Variants in SCN1A observed in about 807,000 individuals in gnomAD.
SCN1A encodes sodium voltage-gated channel alpha subunit 1, also known as sodium channel protein type 1 subunit alpha.
In SCN1A, 13 loss-of-function variants were observed where a neutral mutation model predicts 193.7. The ratio of observed to expected loss-of-function variants is 0.07; its 90% confidence interval spans 0.04 to 0.11. The LOEUF is 0.11. Ranked by LOEUF, SCN1A falls within the 10% of genes least tolerant of loss-of-function variation. The pLI, the probability that SCN1A is intolerant of heterozygous loss-of-function variation, is 1.00. For missense variants in SCN1A, 1,432 were observed against 2,451.1 expected, an observed-to-expected ratio of 0.58 and a Z score of 8.78; for synonymous variants, 781 against 843.6, an observed-to-expected ratio of 0.93 and a Z score of 1.29.
At chr2:166,025,899 G>C (rs1455138577) in intron 19 of SCN1A, among the ~76,000 whole-genome samples, 1 of 151,854 alleles carries the variant, frequency 6.6e-6, no homozygotes, top group East Asian at 1.9e-4. Flanking sequence ...GACATAAAAT[G>C]CTTTTATTTT....
intron 6 of SCN1A, 103 bp downstream of exon 6, chr2:166,056,308 G>T: frequency 1.3e-6 from 1 of 787,048 alleles, no homozygotes; most frequent in South Asian, 1.5e-5. Context: ...GTCTAGGAAT[G>T]ACTTTAATAA....
At chr2:166,147,213 T>C (rs890252988) in intron 1 of SCN1A, among the ~76,000 whole-genome samples, 3 of 152,182 alleles carry the variant, frequency 2.0e-5, no homozygotes, top group African/African-American at 4.8e-5. Flanking sequence ...TAGAATTTAG[T>C]AGGTACTTAG....
intron 23 of SCN1A, 189 bp downstream of exon 23, chr2:166,009,530 A>G (rs901934693): frequency 2.4e-6 from 1 of 420,530 alleles, no homozygotes; most frequent in Non-Finnish European, 4.3e-6. Context: ...ATGATATTAT[A>G]TCATTTCAAG....
At chr2:166,026,679 CTTTTT>C (rs35750460) in intron 19 of SCN1A, among the ~76,000 whole-genome samples, 3 of 97,712 alleles carry the variant, frequency 3.1e-5, no homozygotes, top group Non-Finnish European at 5.7e-5. Context: ...TTCTTTCTTT[CTTTTT>C]TTTTTTTTTT....
At chr2:166,043,333 A>G (rs1024939459) in intron 14 of SCN1A, among the ~76,000 whole-genome samples, 2 of 152,252 alleles carry the variant, frequency 1.3e-5, no homozygotes, top group African/African-American at 2.4e-5. Context: ...ACACTTAAAC[A>G]TAGAATCATT....
chr2:166,007,466 C>A (rs1305976866), intron 23 of SCN1A, among the ~76,000 whole-genome samples: 1 of 151,154 alleles, frequency 6.6e-6, no homozygotes, highest in African/African-American at 2.4e-5. Flanking sequence ...ATTAAAAATA[C>A]AAATTTAAAC....
chr2:166,113,409 G>C lies in SCN1A; in HGVS notation c.-142+13515C>G, dbSNP rs114423372. ...TGACTAGTAAATGAAAAAAGAATGA[G>C]AAAATTATTTCTTGCTCTGACCAAC... On this transcript the variant is annotated intron_variant, in intron 2 of 28. Transcript: ENST00000674923. 8.7e-3 allele frequency among the ~76,000 whole-genome samples: 1,330 copies of C among 152,084 alleles called. 7 individuals are homozygous for C. The highest frequency in any genetic ancestry group is 0.015 in the Non-Finnish European group (986 of 67,970).
At chr2:166,082,782 A>G (rs755380711) in intron 2 of SCN1A, among the ~76,000 whole-genome samples, 3 of 152,100 alleles carry the variant, frequency 2.0e-5, no homozygotes, top group Non-Finnish European at 4.4e-5. Context: ...ACATTTATAT[A>G]TCTTCACCAC....
chr2:166,006,727 A>G (rs1057391124), intron 23 of SCN1A, among the ~76,000 whole-genome samples: 3 of 151,376 alleles, frequency 2.0e-5, no homozygotes, highest in African/African-American at 7.3e-5. Flanking sequence ...CACAATCAAT[A>G]CCAGTCTTAT....
At chr2:165,985,537 G>C (rs1688560185), downstream of SCN1A, 1 of 152,136 alleles carries the variant, frequency 6.6e-6, no homozygotes, top group South Asian at 2.1e-4. Flanking sequence ...GCTTGTTGCT[G>C]AGGTGAGGGG....
chr2:166,034,507 A>C (rs931876882), intron 19 of SCN1A, among the ~76,000 whole-genome samples: 10 of 152,228 alleles, frequency 6.6e-5, no homozygotes, highest in Non-Finnish European at 1.2e-4. Context: ...TATTTAGACT[A>C]TACAGCCTAA....
upstream of SCN1A, among the ~76,000 whole-genome samples, chr2:166,130,466 A>G (rs1574635203): frequency 6.6e-6 from 1 of 151,432 alleles, no homozygotes; most frequent in Non-Finnish European, 1.5e-5. Flanking sequence ...CACAACCTTC[A>G]CTTCTCTTGG....
intron 2 of SCN1A, among the ~76,000 whole-genome samples, chr2:166,096,996 T>C (rs1687453349): frequency 6.6e-6 from 1 of 151,992 alleles, no homozygotes; most frequent in African/African-American, 2.4e-5. Context: ...TATACTTCTT[T>C]CTTCTTTGTG....
chr2:165,991,334 C>T lies in SCN1A; in HGVS notation c.5941G>A (p.Ala1981Thr). 6.2e-7 allele frequency: 1 copy of T among 1,613,398 alleles called. No individual in the cohort carries two copies. The highest frequency in any genetic ancestry group is 8.5e-7 in the Non-Finnish European group (1 of 1,179,784). The stretch of plus-strand genomic sequence containing the variant: ...ACCCGGTCATAGGAAGGTGGACAAG[C>T]TGCAGTGGACATGGTCAGATCAGTT... ...EKTDLTMSTA[A>T]CPPSYDRVTK... The change falls in exon 29 of 29, where the codon GCT becomes ACT. Residue 1981 changes from alanine (A) to threonine (T), a missense_variant. Around this residue, in one of 18 missense-constraint regions of SCN1A, gnomAD observed 148 missense variants for 160.3 expected, o/e 0.92. Coordinates refer to ENST00000674923, the MANE Select transcript of SCN1A (RefSeq NM_001165963.4).
At chr2:166,041,897 A>T (rs1697234169) in intron 15 of SCN1A, among the ~76,000 whole-genome samples, 2 of 152,190 alleles carry the variant, frequency 1.3e-5, no homozygotes, top group Non-Finnish European at 1.5e-5. Context: ...GCTTGTTTTT[A>T]TTTTGTGAAA....
chr2:166,067,470 TC>T (rs1683964074), intron 4 of SCN1A, among the ~76,000 whole-genome samples: 1 of 136,448 alleles, frequency 7.3e-6, no homozygotes, highest in East Asian at 2.3e-4. Context: ...CACTGACTTC[TC>T]TTTTTTTTTT....
chr2:166,147,320 C>A lies in SCN1A; in HGVS notation c.-50+1727G>T, dbSNP rs551024016. On this transcript the variant is annotated intron_variant, in intron 1 of 26. Transcript: ENST00000635750. ...TAGATTAGTTAATAATGTTAATTCC[C>A]ATTTAGAGGAATACAAAGATATATA... is the stretch of plus-strand genomic sequence containing the variant. Among the ~76,000 whole-genome samples the A allele has an allele frequency of 5.5e-4, 84 of 152,216 alleles. 2 individuals carry two copies. In the South Asian group the frequency reaches 0.017, roughly 30 times the overall value.
rs1553549713 is a variant in SCN1A at position 166,051,867 on chromosome 2, G to A, written c.816C>T (p.Asn272=). Residue 272 remains asparagine, a synonymous_variant, in exon 9 of 29, where the codon AAC becomes AAT. Transcript: ENST00000674923. ...ALIGLQLFMG[N]LRNKCIQWPP... The stretch of plus-strand genomic sequence containing the variant: ...GCCATTGTATACATTTATTCCTCAG[G>A]TTGCCCATGAACAGCTGCAGCCCAA... 1 of 1,612,550 alleles carries A rather than the reference G, an allele frequency of 6.2e-7. No homozygotes were observed. The highest frequency in any genetic ancestry group is 8.5e-7 in the Non-Finnish European group (1 of 1,179,030).
chr2:166,119,192 G>A (rs1469371047), intron 2 of SCN1A, among the ~76,000 whole-genome samples: 2 of 152,064 alleles, frequency 1.3e-5, no homozygotes, highest in Non-Finnish European at 2.9e-5. Context: ...CAGGGTTTGG[G>A]GACCCTTAAT....
Sources: allele counts gnomAD v4.1 joint callset (sites outside exome capture counted in the v4.1 genomes callset), GRCh38; gene constraint gnomAD v4.1.1; regional missense constraint gnomAD v4.1.1; transcripts MANE v1.5; gene names NCBI Gene and HGNC (gene_info 2026-07-23, HGNC 2026-07-21).